The following COL6A6 variants were observed in gnomAD, a reference collection of about 807,000 sequenced individuals.
COL6A6 encodes the protein collagen type VI alpha 6 chain, also known as collagen alpha-6(VI) chain.
Under a neutral mutation model 208.6 loss-of-function variants are expected in COL6A6, and 183 were observed. That is an observed-to-expected ratio of 0.88 (90% confidence interval 0.78 to 0.99). COL6A6 has a LOEUF of 0.99. COL6A6 is among the 50% of genes least tolerant of loss of function. The pLI, the probability that COL6A6 is intolerant of heterozygous loss-of-function variation, is 0.00. For synonymous variants in COL6A6, 973 were observed against 1,011.8 expected (o/e 0.96, Z 0.73); for missense variants, 2,816 against 2,815.2 (o/e 1.00, Z -0.01).
At chr3:130,664,494 T>C (rs1367825793) in intron 35 of COL6A6, among the ~76,000 whole-genome samples, 2 of 152,226 alleles carry the variant, frequency 1.3e-5, no homozygotes, top group Non-Finnish European at 2.9e-5. Context: ...CTTTACATGG[T>C]ATAAAAAGAG....
chr3:130,599,772 C>T lies in COL6A6; in HGVS notation c.4615C>T (p.Pro1539Ser). Residue 1539 changes from proline (P) to serine (S), a missense_variant, in exon 20 of 37, where the codon CCA becomes TCA. Coordinates refer to ENST00000358511, the MANE Select transcript of COL6A6 (RefSeq NM_001102608.3). ...CCTTTGACAGGGCAGAAGAGGCTGG[C>T]CAGGCCCCCCCGGGACACCAGGCTC... is the stretch of plus-strand genomic sequence containing the variant. Reference protein sequence around the residue: ...ERGRQGRRGWPGPPGTPGSRR... With the variant: ...ERGRQGRRGWSGPPGTPGSRR... 1 of 1,613,596 alleles carries T rather than the reference C, an allele frequency of 6.2e-7. No individual in the cohort carries two copies. Among genetic ancestry groups the T allele is most frequent in the Non-Finnish European group, 8.5e-7 (1 of 1,179,680 alleles).
At chr3:130,654,182 A>C (rs1313245815) in intron 33 of COL6A6, among the ~76,000 whole-genome samples, 2 of 152,210 alleles carry the variant, frequency 1.3e-5, no homozygotes, top group African/African-American at 2.4e-5. Context: ...GGGGAGAGCA[A>C]AACTTAAATC....
At chr3:130,608,819 G>GA (rs1398724260) in intron 21 of COL6A6, 83 bp from the exon 22 acceptor site, 2 of 309,916 alleles carry the variant, frequency 6.5e-6, no homozygotes, top group Non-Finnish European at 1.1e-5. Context: ...CATTGTGACT[G>GA]AAAAAATATT....
In COL6A6 at chr3:130,565,736, T is replaced by C. The variant is rs1046686191; in HGVS notation, c.1282+122T>C. On this transcript the variant is annotated intron_variant, in intron 4 of 36. Coordinates refer to ENST00000358511, the MANE Select transcript of COL6A6 (RefSeq NM_001102608.3). ...ATGGGAAGGATAAGTTCCTAATTCT[T>C]TTACTTGAGCTTGAAAATATGAAGC... The C allele has an allele frequency of 5.0e-6, 6 of 1,190,462 alleles. No individual in the cohort carries two copies. In the Admixed American group the frequency reaches 9.0e-5, roughly 18 times the overall value. 73.7% of individuals were successfully genotyped at this position (1,190,462 alleles called of 1,614,324 possible). A position where few individuals can be genotyped will look rare whatever the true frequency, so the allele number is the denominator to read the frequency against.
intron 1 of COL6A6, among the ~76,000 whole-genome samples, chr3:130,527,098 T>C (rs923209388): frequency 1.3e-5 from 2 of 152,162 alleles, no homozygotes; most frequent in African/African-American, 4.8e-5. Context: ...CCTCATACTC[T>C]TTTATTGTGG....
intron 23 of COL6A6, among the ~76,000 whole-genome samples, chr3:130,615,895 G>A (rs1201496709): frequency 7.9e-5 from 12 of 152,116 alleles, no homozygotes; most frequent in Admixed American, 6.5e-4. Flanking sequence ...TCTTGCTTTG[G>A]CAAGATTGGT....
At chr3:130,587,801 A>G (rs535923594) in intron 11 of COL6A6, among the ~76,000 whole-genome samples, 4 of 152,380 alleles carry the variant, frequency 2.6e-5, no homozygotes, top group East Asian at 3.9e-4. Context: ...AAATAATTAC[A>G]TATAGAATAT....
intron 30 of COL6A6, 41 bp downstream of exon 30, chr3:130,642,908 C>T: frequency 6.2e-7 from 1 of 1,613,118 alleles, no homozygotes; most frequent in South Asian, 1.1e-5. Context: ...CTGAGTGCTC[C>T]ATTCAATTTA....
intron 1 of COL6A6, 86 bp from the exon 2 acceptor site, chr3:130,560,248 A>T: frequency 1.3e-6 from 1 of 751,014 alleles, no homozygotes; most frequent in Non-Finnish European, 2.1e-6. Context: ...CACCCAATTT[A>T]TTATATAATT....
chr3:130,665,306 A>G (rs547437094), intron 36 of COL6A6, among the ~76,000 whole-genome samples: 1 of 151,836 alleles, frequency 6.6e-6, no homozygotes, highest in South Asian at 2.1e-4. Context: ...TTTTTTTTTT[A>G]ATGGAAAAGC....
Position 130,661,002 on chromosome 3 carries a change from T to C in COL6A6, c.5831-635T>C, listed in dbSNP as rs192309491. On this transcript the variant is annotated intron_variant, in intron 34 of 36. Coordinates refer to ENST00000358511, the MANE Select transcript of COL6A6 (RefSeq NM_001102608.3). ...CCCGTTTTTATTACTATGCATTCTTTTATTAAATGAGATATGCATATTTAT... is the reference window on the plus strand; with the variant it reads ...CCCGTTTTTATTACTATGCATTCTTCTATTAAATGAGATATGCATATTTAT... 5.9e-5 allele frequency among the ~76,000 whole-genome samples: 9 copies of C among 152,320 alleles called. No homozygotes were observed. In the East Asian group the frequency reaches 1.7e-3, roughly 29 times the overall value.
chr3:130,557,569 A>G (rs1263868274), intron 1 of COL6A6, among the ~76,000 whole-genome samples: 1 of 152,248 alleles, frequency 6.6e-6, no homozygotes, highest in African/African-American at 2.4e-5. Context: ...TGTTTCTTAC[A>G]GTAAAACAGT....
intron 4 of COL6A6, 105 bp from the exon 5 acceptor site, chr3:130,566,597 A>G (rs903286234): frequency 3.2e-6 from 3 of 938,184 alleles, no homozygotes; most frequent in African/African-American, 3.3e-5. Context: ...GCTGTTTCCC[A>G]TTTTTCTGTC....
chr3:130,534,984 A>G (rs2062189381), intron 1 of COL6A6, among the ~76,000 whole-genome samples: 1 of 152,042 alleles, frequency 6.6e-6, no homozygotes, highest in South Asian at 2.1e-4. Flanking sequence ...TTGCTCATCA[A>G]ATCTCATTCA....
intron 10 of COL6A6, among the ~76,000 whole-genome samples, chr3:130,584,319 T>C (rs2063487525): frequency 6.6e-6 from 1 of 152,138 alleles, no homozygotes; most frequent in Non-Finnish European, 1.5e-5. Flanking sequence ...ATAAGAAAAA[T>C]CAGATGACAG....
intron 1 of COL6A6, among the ~76,000 whole-genome samples, chr3:130,546,018 G>A (rs2062486328): frequency 1.3e-5 from 2 of 151,768 alleles, no homozygotes; most frequent in South Asian, 4.2e-4. Context: ...GGGTTTTTTG[G>A]TCATTTTTCT....
Position 130,567,210 on chromosome 3 carries a change from T to G in COL6A6, c.1791T>G (p.Asp597Glu). ...EKRVYYVHDF[D>E]ALKDIRNQVV... ...GAGTGTATTACGTGCATGACTTTGA[T>G]GCATTGAAAGACATAAGAAACCAAG... The change falls in exon 5 of 37, where the codon GAT becomes GAG. Residue 597 changes from aspartate (D) to glutamate (E), a missense_variant. By Grantham distance (45) the Asp-to-Glu change is conservative. Transcript: ENST00000358511. The G allele has an allele frequency of 6.2e-7, 1 of 1,613,268 alleles. No homozygotes were observed. Among genetic ancestry groups the G allele is most frequent in the Non-Finnish European group, 8.5e-7 (1 of 1,179,872 alleles).
chr3:130,546,563 C>T (rs2062503424), intron 1 of COL6A6, among the ~76,000 whole-genome samples: 1 of 152,250 alleles, frequency 6.6e-6, no homozygotes, highest in Admixed American at 6.5e-5. Context: ...ACCCCACCCA[C>T]ATCCTGCTGA....
At chr3:130,566,595 C>A in intron 4 of COL6A6, 107 bp from the exon 5 acceptor site, 2 of 892,008 alleles carry the variant, frequency 2.2e-6, no homozygotes, top group Non-Finnish European at 3.3e-6. Flanking sequence ...AAGCTGTTTC[C>A]CATTTTTCTG....
Sources: gnomAD v4.1 joint callset for allele counts (sites outside exome capture counted in the v4.1 genomes callset) on GRCh38, gnomAD v4.1.1 for gene constraint, MANE v1.5 for transcripts, NCBI Gene and HGNC (gene_info 2026-07-23, HGNC 2026-07-21) for gene names.